The following SEMA4B variants were observed in gnomAD, a reference collection of about 807,000 sequenced individuals.
SEMA4B encodes semaphorin 4B, also known as semaphorin-4B.
Under a neutral mutation model 88.1 loss-of-function variants are expected in SEMA4B, and 55 were observed. That is an observed-to-expected ratio of 0.62 (90% CI 0.50 to 0.78). SEMA4B has a LOEUF of 0.78. Among genes scored for constraint, SEMA4B ranks in the 30% least tolerant of loss-of-function variants. The pLI is 0.00. For missense variants in SEMA4B, 1,062 were observed against 1,111.9 expected, an observed-to-expected ratio of 0.96 and a Z score of 0.64; for synonymous variants, 525 against 473.6, an observed-to-expected ratio of 1.11 and a Z score of -1.41.
chr15:90,196,526 G>A (rs143355888), upstream of SEMA4B, among the ~76,000 whole-genome samples: 808 of 151,612 alleles, frequency 5.3e-3, 13 homozygotes, highest in African/African-American at 0.019. Flanking sequence ...TCTCGCTGTC[G>A]GTCAGGCTGG....
chr15:90,220,362 C>CT (rs200788766), intron 4 of SEMA4B: 4,939 of 128,798 alleles, frequency 0.038, 574 homozygotes, highest in African/African-American at 0.13. Flanking sequence ...TTTTCTTTTT[C>CT]TTTTCTTTTT....
At chr15:90,196,734 G>A (rs373916955), upstream of SEMA4B, among the ~76,000 whole-genome samples, 4 of 152,136 alleles carry the variant, frequency 2.6e-5, no homozygotes, top group East Asian at 3.9e-4. Context: ...TGATCCGCCC[G>A]CCTCAGCCTC....
chr15:90,208,227 C>A (rs1175196583), intron 1 of SEMA4B, among the ~76,000 whole-genome samples: 1 of 150,874 alleles, frequency 6.6e-6, no homozygotes, highest in South Asian at 2.1e-4. Flanking sequence ...GCACTCCAGC[C>A]TGGAAGACAA....
At chr15:90,221,341 T>C in intron 5 of SEMA4B, 26 bp from the exon 6 acceptor site, 4 of 1,536,620 alleles carry the variant, frequency 2.6e-6, no homozygotes, top group South Asian at 2.4e-5. Flanking sequence ...GAGGAGCCCA[T>C]TCCCATGGGA....
At chr15:90,188,473 C>T (rs751041955) in intron 1 of SEMA4B, among the ~76,000 whole-genome samples, 15 of 149,910 alleles carry the variant, frequency 1.0e-4, no homozygotes, top group Non-Finnish European at 2.2e-4. Context: ...ACTAAAAATA[C>T]AAAAATTAGC....
intron 1 of SEMA4B, among the ~76,000 whole-genome samples, chr15:90,203,629 A>G (rs1023865305): frequency 6.6e-6 from 1 of 152,170 alleles, no homozygotes; most frequent in African/African-American, 2.4e-5. Flanking sequence ...CCACTTCTAC[A>G]AGCCCGTGAC....
chr15:90,201,300 C>G (rs901393206), upstream of SEMA4B: 11 of 1,137,188 alleles, frequency 9.7e-6, no homozygotes, highest in African/African-American at 1.6e-5. Flanking sequence ...GGCTCACGGC[C>G]GACTTCCTCC....
At chr15:90,224,233 CAGGCTGTTACA>C (rs954436532) in intron 9 of SEMA4B, among the ~76,000 whole-genome samples, 4 of 152,242 alleles carry the variant, frequency 2.6e-5, no homozygotes, top group African/African-American at 9.6e-5. Context: ...GCACTTGCTG[CAGGCTGTTACA>C]ATCATCTCTT....
In SEMA4B at chr15:90,225,744, C is replaced by T. The variant is rs759917583; in HGVS notation, c.1605C>T (p.Cys535=). 10 of 1,575,508 alleles carry T rather than the reference C, an allele frequency of 6.3e-6. No individual in the cohort carries two copies. Among genetic ancestry groups the T allele is most frequent in the Non-Finnish European group, 8.6e-6 (10 of 1,162,006 alleles). ...NCSLYRSCGD[C]LLARDPYCAW... is the part of the protein sequence containing the mutation. ...GCCTGTACAGGAGCTGTGGGGACTG[C>T]CTCCTCGCCCGGGACCCCTACTGTG... Residue 535 remains cysteine (C), a synonymous_variant, in exon 12 of 14, where the codon TGC becomes TGT. Coordinates refer to ENST00000411539, the MANE Select transcript of SEMA4B (RefSeq NM_198925.4).
chr15:90,227,658 A>G lies in SEMA4B; in HGVS notation c.1774+16A>G. On this transcript the variant is annotated intron_variant, in intron 13 of 13. Transcript: ENST00000411539. Reference sequence around the variant, plus strand: ...GTACCAACAGGTGAGGTGCCCCCTCAAAAGGTGGAGGAGAGAGGTGGGGAC... The same window carrying G: ...GTACCAACAGGTGAGGTGCCCCCTCGAAAGGTGGAGGAGAGAGGTGGGGAC... 6.2e-7 allele frequency: 1 copy of G among 1,612,874 alleles called. No individual in the cohort carries two copies. Among genetic ancestry groups the G allele is most frequent in the East Asian group, 2.2e-5 (1 of 44,872 alleles).
chr15:90,195,756 T>C (rs1393081955), intron 1 of SEMA4B, among the ~76,000 whole-genome samples: 6 of 148,958 alleles, frequency 4.0e-5, no homozygotes, highest in African/African-American at 1.2e-4. Context: ...ACTACAGGCA[T>C]GCGCCACCAT....
chr15:90,228,079 G>C lies in SEMA4B; in HGVS notation c.1950G>C (p.Gln650His), dbSNP rs1962274156. The C allele has an allele frequency of 1.2e-6, 2 of 1,613,300 alleles. No homozygotes were observed. The highest frequency in any genetic ancestry group is 2.7e-5 in the African/African-American group (2 of 75,054). Residue 650 changes from glutamine to histidine, a missense_variant, in exon 14 of 14, where the codon CAG becomes CAC. Coordinates refer to ENST00000411539, the MANE Select transcript of SEMA4B (RefSeq NM_198925.4). The stretch of plus-strand genomic sequence containing the variant: ...ACCTGCTGCTGGTGGGCACCCAACA[G>C]CTGGGGGAGTTCCAGTGCTGGTCAC... ...TGDLLLVGTQ[Q>H]LGEFQCWSLE...
At chr15:90,218,313 C>T (rs909446468) in intron 3 of SEMA4B, among the ~76,000 whole-genome samples, 2 of 152,184 alleles carry the variant, frequency 1.3e-5, no homozygotes, top group African/African-American at 4.8e-5. Context: ...TCATCATCAT[C>T]CCTAGAGGCC....
Position 90,229,200 on chromosome 15 carries a change from C to G in SEMA4B, c.*557C>G, listed in dbSNP as rs548290404. The stretch of plus-strand genomic sequence containing the variant: ...CCGAGGATGTAGTTGTTGCTGCCGT[C>G]GTCCCACCACCTCAGGGACCAGAGG... On this transcript the variant is annotated 3_prime_UTR_variant, in exon 14 of 14. Transcript: ENST00000411539. 2.4e-6 allele frequency: 1 copy of G among 410,680 alleles called. No individual in the cohort carries two copies. The highest frequency in any genetic ancestry group is 4.9e-6 in the Non-Finnish European group (1 of 202,380). The allele number at this position is 410,680 out of a possible 1,614,324, so 25.4% of individuals were successfully genotyped here. A position where few individuals can be genotyped will look rare whatever the true frequency, so the allele number is the denominator to read the frequency against.
At chr15:90,187,829 A>AT (rs1672327761) in intron 1 of SEMA4B, among the ~76,000 whole-genome samples, 1 of 152,010 alleles carries the variant, frequency 6.6e-6, no homozygotes, top group Admixed American at 6.6e-5. Flanking sequence ...ATATGGTGAA[A>AT]TCTTGTCTCT....
intron 1 of SEMA4B, 61 bp from the exon 2 acceptor site, chr15:90,217,378 G>C: frequency 6.5e-7 from 1 of 1,529,686 alleles, no homozygotes; most frequent in Non-Finnish European, 8.8e-7. Flanking sequence ...CTAAAGGTTG[G>C]TGTTAAGAGG....
At chr15:90,206,053 C>G (rs1960971716) in intron 1 of SEMA4B, among the ~76,000 whole-genome samples, 1 of 152,172 alleles carries the variant, frequency 6.6e-6, no homozygotes, top group African/African-American at 2.4e-5. Context: ...TAAACTTGCA[C>G]AACTTTTGGG....
Position 90,225,375 on chromosome 15 carries a change from A to T in SEMA4B, c.1499A>T (p.Asn500Ile). Residue 500 changes from asparagine to isoleucine, a missense_variant, in exon 11 of 14, where the codon AAT becomes ATT. Coordinates refer to ENST00000411539, the MANE Select transcript of SEMA4B (RefSeq NM_198925.4). ...QIFSSGQPVQ[N>I]LLLDTHRGLL... ...TTCTCATCGGGACAGCCCGTGCAGA[A>T]TCTGCTCCTGGACACCCACAGGGTG... 1 of 1,552,286 alleles carries T rather than the reference A, an allele frequency of 6.4e-7. No individual in the cohort carries two copies.
At chr15:90,222,852 G>A (rs915205410) in intron 7 of SEMA4B, among the ~76,000 whole-genome samples, 5 of 133,426 alleles carry the variant, frequency 3.7e-5, no homozygotes, top group African/African-American at 1.5e-4. Context: ...AACTATGAAT[G>A]TTATTACCCC....
Sources: gnomAD v4.1 joint callset for allele counts (sites outside exome capture counted in the v4.1 genomes callset) on GRCh38, gnomAD v4.1.1 for gene constraint, MANE v1.5 for transcripts, NCBI Gene and HGNC (gene_info 2026-07-23, HGNC 2026-07-21) for gene names.